DLG2: variants seen among roughly 807,000 people sequenced by gnomAD.
The protein encoded by DLG2 is disks large homolog 2.
A neutral mutation model predicts 132.5 loss-of-function variants in DLG2; 45 were observed. That is an observed-to-expected ratio of 0.34 (90% CI 0.27 to 0.44). DLG2 has a LOEUF of 0.44. Among genes scored for constraint, DLG2 ranks in the 20% least tolerant of loss-of-function variants. DLG2 has a pLI of 1.00. For missense variants in DLG2, 1,045 were observed against 1,196.9 expected, an observed-to-expected ratio of 0.87 and a Z score of 1.87; for synonymous variants, 424 against 419.6, an observed-to-expected ratio of 1.01 and a Z score of -0.13.
intron 16 of DLG2, among the ~76,000 whole-genome samples, chr11:83,872,604 T>C (rs1334935079): frequency 1.3e-5 from 2 of 152,200 alleles, no homozygotes; most frequent in Admixed American, 6.5e-5. Context: ...ATGGTGATTA[T>C]GTCAACTACA....
chr11:84,639,743 C>T (rs2099652038), intron 6 of DLG2, among the ~76,000 whole-genome samples: 2 of 152,034 alleles, frequency 1.3e-5, no homozygotes, highest in Admixed American at 6.6e-5. Context: ...TGCCAATGCT[C>T]CCTCCCAGGG....
chr11:84,920,141 A>C (rs112491793), intron 6 of DLG2, among the ~76,000 whole-genome samples: 118 of 152,318 alleles, frequency 7.7e-4, no homozygotes, highest in African/African-American at 2.8e-3. Flanking sequence ...CAATTTACAA[A>C]GTGTTAGATT....
chr11:84,099,068 T>G (rs548350116), intron 9 of DLG2, 21 bp from the exon 10 acceptor site: 7 of 1,609,492 alleles, frequency 4.3e-6, no homozygotes, highest in South Asian at 1.1e-5. Flanking sequence ...AAAAAGCAGA[T>G]ATTAAATGAT....
chr11:85,520,921 AC>A (rs778448403), intron 3 of DLG2, among the ~76,000 whole-genome samples: 23 of 152,308 alleles, frequency 1.5e-4, no homozygotes, highest in African/African-American at 2.9e-4. Context: ...CTAAAAAAAA[AC>A]ATCAGAGAAA....
At chr11:83,989,281 G>C (rs1017891382) in intron 11 of DLG2, among the ~76,000 whole-genome samples, 1 of 152,132 alleles carries the variant, frequency 6.6e-6, no homozygotes, top group Non-Finnish European at 1.5e-5. Flanking sequence ...TGGGACAACA[G>C]CAGAGGCAGC....
chr11:84,839,500 G>A (rs1056365293), intron 6 of DLG2, among the ~76,000 whole-genome samples: 1 of 151,964 alleles, frequency 6.6e-6, no homozygotes, highest in Non-Finnish European at 1.5e-5. Context: ...CTACTTTAAA[G>A]TTCATATGGA....
intron 3 of DLG2, among the ~76,000 whole-genome samples, chr11:85,355,179 T>C (rs188932266): frequency 4.6e-5 from 7 of 152,172 alleles, no homozygotes; most frequent in Admixed American, 3.9e-4. Flanking sequence ...AATTGATCAG[T>C]TGATTGAATA....
At position 84,107,053 on chromosome 11, in the gene DLG2, G is replaced by A. The variant is rs200401594; in HGVS notation, c.625-8006C>T. 1.1e-4 allele frequency among the ~76,000 whole-genome samples: 16 copies of A among 149,434 alleles called. No homozygotes were observed. The East Asian group carries it at 2.4e-3, about 22-fold the overall frequency. On this transcript the variant is annotated intron_variant, in intron 9 of 27. Coordinates refer to ENST00000376104, the MANE Select transcript of DLG2 (RefSeq NM_001142699.3). The stretch of plus-strand genomic sequence containing the variant: ...CTTAGGGGAGATATGTGGCAGTATC[G>A]AAAGAGAAGGAGAAAAAGCAGAGGA...
rs776763530 is a variant in DLG2 at position 83,718,061 on chromosome 11, G to A, written c.1825+68629C>T. 4.6e-5 allele frequency among the ~76,000 whole-genome samples: 7 copies of A among 152,156 alleles called. No individual in the cohort carries two copies. The East Asian group carries it at 1.2e-3, about 25-fold the overall frequency. On this transcript the variant is annotated intron_variant, in intron 18 of 27. Coordinates refer to ENST00000376104, the MANE Select transcript of DLG2 (RefSeq NM_001142699.3). ...TCTGGGGGTCCATTATGCTCAGGGG[G>A]ACAAAGACAAGTGCAGCACATGCTT... is the stretch of plus-strand genomic sequence containing the variant.
At chr11:83,515,336 T>C (rs906391446) in intron 21 of DLG2, among the ~76,000 whole-genome samples, 2 of 152,214 alleles carry the variant, frequency 1.3e-5, no homozygotes, top group African/African-American at 4.8e-5. Context: ...TAGTATTCTC[T>C]GATGGTAGTT....
chr11:85,065,970 A>G (rs2064855135), intron 6 of DLG2, among the ~76,000 whole-genome samples: 1 of 151,576 alleles, frequency 6.6e-6, no homozygotes, highest in South Asian at 2.1e-4. Flanking sequence ...TCAGAGCAGA[A>G]CTAAACAAAA....
chr11:85,028,902 G>A (rs1000583934), intron 6 of DLG2, among the ~76,000 whole-genome samples: 6 of 152,112 alleles, frequency 3.9e-5, no homozygotes, highest in Non-Finnish European at 8.8e-5. Flanking sequence ...TGTGGAGCGC[G>A]CAGCCCCAGC....
intron 18 of DLG2, among the ~76,000 whole-genome samples, chr11:83,705,211 A>T (rs961144018): frequency 1.3e-5 from 2 of 152,180 alleles, no homozygotes; most frequent in Admixed American, 1.3e-4. Context: ...AGAGTTCTAA[A>T]CTTCTTTTCT....
intron 4 of DLG2, among the ~76,000 whole-genome samples, chr11:85,233,624 A>G (rs2075418257): frequency 6.6e-6 from 1 of 151,782 alleles, no homozygotes; most frequent in South Asian, 2.1e-4. Context: ...TTGGCAAGAT[A>G]ATGGGAAGGA....
chr11:85,390,884 G>C (rs1244698142), intron 3 of DLG2, among the ~76,000 whole-genome samples: 1 of 151,938 alleles, frequency 6.6e-6, no homozygotes, highest in Non-Finnish European at 1.5e-5. Context: ...CAAGGAACTA[G>C]AGAAACAAGA....
At chr11:85,332,193 G>C (rs530963886) in intron 3 of DLG2, among the ~76,000 whole-genome samples, 67 of 152,182 alleles carry the variant, frequency 4.4e-4, no homozygotes, top group South Asian at 2.3e-3. Context: ...TTGTAGTTTT[G>C]AAATGAGTTT....
chr11:83,923,550 A>G (rs1450888661), intron 15 of DLG2, among the ~76,000 whole-genome samples: 1 of 152,066 alleles, frequency 6.6e-6, no homozygotes, highest in Non-Finnish European at 1.5e-5. Context: ...TGTTTTCTAA[A>G]GAGTTTTATG....
chr11:84,847,209 C>T (rs1218719648), intron 6 of DLG2, among the ~76,000 whole-genome samples: 1 of 152,098 alleles, frequency 6.6e-6, no homozygotes, highest in Non-Finnish European at 1.5e-5. Context: ...AACCGGATAG[C>T]ATGCAGAAGC....
intron 4 of DLG2, among the ~76,000 whole-genome samples, chr11:85,157,115 C>T (rs1435351738): frequency 6.6e-6 from 1 of 152,182 alleles, no homozygotes; most frequent in African/African-American, 2.4e-5. Context: ...CCTAGCCTCC[C>T]AGCCTACATC....
Sources: allele counts gnomAD v4.1 joint callset (sites outside exome capture counted in the v4.1 genomes callset), GRCh38; gene constraint gnomAD v4.1.1; transcripts MANE v1.5; gene names NCBI Gene and HGNC (gene_info 2026-07-23, HGNC 2026-07-21).